NSMAF: variants seen among roughly 807,000 people sequenced by gnomAD.
NSMAF encodes neutral sphingomyelinase activation associated factor.
NSMAF carries 90 observed loss-of-function variants against 134.9 expected under a neutral mutation model. That is an observed-to-expected ratio of 0.67 (90% CI 0.56 to 0.79). The LOEUF is 0.79. Among genes scored for constraint, NSMAF ranks in the 30% least tolerant of loss-of-function variants. NSMAF has a pLI of 0.00. For missense variants in NSMAF, 1,010 were observed against 1,119.0 expected (o/e 0.90, Z 1.39); for synonymous variants, 358 against 389.6 (o/e 0.92, Z 0.96).
intron 6 of NSMAF, 71 bp from the exon 7 acceptor site, chr8:58,623,851 A>C: frequency 8.3e-7 from 1 of 1,203,510 alleles, no homozygotes; most frequent in East Asian, 2.4e-5. Context: ...CTTTAAGAAC[A>C]TGTGTACAGA....
intron 9 of NSMAF, among the ~76,000 whole-genome samples, chr8:58,614,657 AT>A (rs1034491812): frequency 2.6e-5 from 4 of 152,204 alleles, no homozygotes; most frequent in Non-Finnish European, 4.4e-5. Flanking sequence ...AGAAGTGTGT[AT>A]AAAAGTCAAG....
intron 1 of NSMAF, among the ~76,000 whole-genome samples, 162 bp from the exon 2 acceptor site, chr8:58,643,235 C>T (rs959026751): frequency 3.3e-5 from 5 of 152,176 alleles, no homozygotes; most frequent in African/African-American, 1.2e-4. Context: ...TACCCAGTGG[C>T]GGGAAGTACA....
chr8:58,630,401 C>T (rs888068979), intron 6 of NSMAF, among the ~76,000 whole-genome samples: 1 of 151,808 alleles, frequency 6.6e-6, no homozygotes, highest in Non-Finnish European at 1.5e-5. Context: ...GACAACCTCA[C>T]TTTTATTTCC....
At chr8:58,656,037 G>A (rs894722942) in intron 1 of NSMAF, among the ~76,000 whole-genome samples, 3 of 150,596 alleles carry the variant, frequency 2.0e-5, no homozygotes, top group African/African-American at 7.5e-5. Context: ...TTGTTTGTTT[G>A]AGATGGAGTC....
intron 23 of NSMAF, 24 bp downstream of exon 23, chr8:58,594,208 C>T (rs770855232): frequency 2.0e-5 from 32 of 1,611,962 alleles, no homozygotes; most frequent in Middle Eastern, 1.7e-4. Flanking sequence ...TTGGTTAAGC[C>T]GCCTTTCGGG....
chr8:58,620,575 A>G (rs1218389736), intron 9 of NSMAF, among the ~76,000 whole-genome samples: 1 of 152,216 alleles, frequency 6.6e-6, no homozygotes, highest in Admixed American at 6.5e-5. Flanking sequence ...AATATGAAAT[A>G]ATCCAGGGAA....
At chr8:58,589,610 T>C in intron 25 of NSMAF, 35 bp from the exon 26 acceptor site, 2 of 1,541,870 alleles carry the variant, frequency 1.3e-6, no homozygotes, top group Non-Finnish European at 1.7e-6. Flanking sequence ...AACAGTAGTC[T>C]GGCTTAATTT....
At chr8:58,585,062 A>C (rs964357554) in intron 30 of NSMAF, among the ~76,000 whole-genome samples, 4 of 152,258 alleles carry the variant, frequency 2.6e-5, no homozygotes, top group African/African-American at 9.6e-5. Flanking sequence ...ATTAAAAACC[A>C]AGTCCTCCAA....
chr8:58,634,292 A>G (rs1208193320), intron 5 of NSMAF, among the ~76,000 whole-genome samples: 1 of 152,212 alleles, frequency 6.6e-6, no homozygotes, highest in Non-Finnish European at 1.5e-5. Context: ...AGCTTTCATA[A>G]AATAACTTTC....
At chr8:58,595,493 T>C (rs982995141) in intron 22 of NSMAF, 67 bp downstream of exon 22, 1 of 1,101,290 alleles carries the variant, frequency 9.1e-7, no homozygotes, top group Non-Finnish European at 1.4e-6. Context: ...AACAGTTTAA[T>C]CCCATGCCAA....
chr8:58,605,644 T>G (rs372456893), intron 12 of NSMAF, among the ~76,000 whole-genome samples: 1 of 152,082 alleles, frequency 6.6e-6, no homozygotes, highest in Non-Finnish European at 1.5e-5. Flanking sequence ...AGCATTTTTC[T>G]TCTCTTATTT....
rs190339118 is a variant in NSMAF at position 58,610,909 on chromosome 8, T to G, written c.558-1176A>C. 4.6e-5 allele frequency among the ~76,000 whole-genome samples: 7 copies of G among 152,316 alleles called. No homozygotes were observed. The East Asian group carries it at 1.4e-3, about 29-fold the overall frequency. On this transcript the variant is annotated intron_variant, in intron 9 of 30. Transcript: ENST00000038176. ...GTCTTTATCACTCCCTCAATAGAGT[T>G]GTAGGCAGTGTTGGCTTAAATTTAA... is the stretch of plus-strand genomic sequence containing the variant.
Position 58,635,671 on chromosome 8 carries a change from A to G in NSMAF, c.150-125T>C. The stretch of plus-strand genomic sequence containing the variant: ...ATAATAAAAGATCAATAATGCATAT[A>G]AAGAGAACGTCTCTATTTTTAAATT... On this transcript the variant is annotated intron_variant, in intron 2 of 30. Coordinates refer to ENST00000038176, the MANE Select transcript of NSMAF (RefSeq NM_003580.4). 3 of 601,554 alleles carry G rather than the reference A, an allele frequency of 5.0e-6. No individual in the cohort carries two copies. In the South Asian group the frequency reaches 7.0e-5, roughly 14 times the overall value. 37.3% of individuals were successfully genotyped at this position (601,554 alleles called of 1,614,324 possible). A position where few individuals can be genotyped will look rare whatever the true frequency, so the allele number is the denominator to read the frequency against.
intron 26 of NSMAF, chr8:58,588,334 C>CTT (rs60214509): frequency 3.9e-4 from 258 of 668,378 alleles, no homozygotes; most frequent in South Asian, 6.5e-4. Context: ...TTGACATTTT[C>CTT]TTTTTTTTTT....
chr8:58,644,092 A>G (rs2129147498), intron 1 of NSMAF, among the ~76,000 whole-genome samples: 1 of 152,380 alleles, frequency 6.6e-6, no homozygotes, highest in African/African-American at 2.4e-5. Context: ...ACCAGGAAAC[A>G]TCAATGAGTT....
chr8:58,609,672 C>T lies in NSMAF; in HGVS notation c.619G>A (p.Val207Met), dbSNP rs1563531151. The T allele has an allele frequency of 6.2e-7, 1 of 1,614,124 alleles. No individual in the cohort carries two copies. Among genetic ancestry groups the T allele is most frequent in the Non-Finnish European group, 8.5e-7 (1 of 1,179,984 alleles). Reference protein sequence around the residue: ...ECKAEMVTPLVTNPGHVCITD... With the variant: ...ECKAEMVTPLMTNPGHVCITD... ...ATGCACACGTGTCCAGGATTAGTCA[C>T]CAGAGGCGTCACCATTTCTGCTTTG... Residue 207 changes from valine to methionine, a missense_variant, in exon 10 of 31, where the codon GTG becomes ATG. Physicochemically the swap from Val to Met is conservative, Grantham distance 21 (BLOSUM62 1). Coordinates refer to ENST00000038176, the MANE Select transcript of NSMAF (RefSeq NM_003580.4).
intron 20 of NSMAF, 89 bp downstream of exon 20, chr8:58,597,771 T>G: frequency 9.6e-7 from 1 of 1,043,066 alleles, no homozygotes; most frequent in Non-Finnish European, 1.5e-6. Context: ...AAAATTTCCA[T>G]ACCTCAACCT....
chr8:58,618,617 A>C (rs1045327259), intron 9 of NSMAF, among the ~76,000 whole-genome samples: 2 of 152,034 alleles, frequency 1.3e-5, no homozygotes, highest in African/African-American at 4.8e-5. Context: ...AATAACACAC[A>C]CACACACAGA....
In NSMAF at chr8:58,599,757, C is replaced by T; in HGVS notation, c.1446G>A (p.Trp482Ter). ...CTCCAAGGGGGGACTCACTGGAAGC[C>T]CAAGGGGGAAGCTCCACGTCGTCAA... ...QMVDDVELPP[W>*]ASSPEDFLQK... The change falls in exon 18 of 31, where the codon TGG becomes TGA. Residue 482 changes from tryptophan (W) to a stop codon, truncating the protein, a stop_gained. Coordinates refer to ENST00000038176, the MANE Select transcript of NSMAF (RefSeq NM_003580.4). LOFTEE classifies it high-confidence loss of function. 1.2e-6 allele frequency: 2 copies of T among 1,613,904 alleles called. No homozygotes were observed. The highest frequency in any genetic ancestry group is 1.7e-6 in the Non-Finnish European group (2 of 1,179,876).
Sources: gnomAD v4.1 joint callset for allele counts (sites outside exome capture counted in the v4.1 genomes callset) on GRCh38, gnomAD v4.1.1 for gene constraint, MANE v1.5 for transcripts, NCBI Gene and HGNC (gene_info 2026-07-23, HGNC 2026-07-21) for gene names.